The following PRH1 variants were observed in gnomAD, a reference collection of about 807,000 sequenced individuals.
PRH1 encodes salivary acidic proline-rich phosphoprotein 1/2.
In PRH1, 7 loss-of-function variants were observed where a neutral mutation model predicts 7.9. The ratio of observed to expected loss-of-function variants is 0.89; its 90% CI spans 0.50 to 1.67. PRH1 has a LOEUF of 1.67. PRH1 is among the 40% of genes most tolerant of loss of function. The probability of loss-of-function intolerance (pLI) is 0.00; values close to 1 mark genes in which losing one functional copy is unlikely to be tolerated. For missense variants in PRH1, 109 were observed against 223.6 expected (o/e 0.49, Z 3.27); for synonymous variants, 45 against 80.8 (o/e 0.56, Z 2.38).
chr12:11,086,507 G>A (rs1327709814), intron 1 of PRH1, among the ~76,000 whole-genome samples: 2 of 150,470 alleles, frequency 1.3e-5, no homozygotes, highest in South Asian at 2.1e-4. Context: ...TTTCTAAGAG[G>A]GGATCTTGAA....
intron 1 of PRH1, chr12:11,133,977 C>CT (rs968246373): frequency 2.5e-6 from 4 of 1,613,956 alleles, no homozygotes; most frequent in Non-Finnish European, 3.4e-6. Context: ...TGGTTGGTTA[C>CT]TGCCCAGACA....
At chr12:10,923,637 A>G (rs1403855705) in intron 2 of PRH1, among the ~76,000 whole-genome samples, 3 of 152,228 alleles carry the variant, frequency 2.0e-5, no homozygotes, top group Non-Finnish European at 4.4e-5. Context: ...CAAATTGTCC[A>G]AGGGAATAGT....
At chr12:11,139,864 T>C (rs1212182714) in intron 1 of PRH1, among the ~76,000 whole-genome samples, 6 of 152,068 alleles carry the variant, frequency 3.9e-5, no homozygotes, top group Admixed American at 3.9e-4. Flanking sequence ...ATCCTAGGAG[T>C]AGAATATGAA....
chr12:10,979,598 G>T (rs747719461), intron 1 of PRH1, among the ~76,000 whole-genome samples: 8 of 152,186 alleles, frequency 5.3e-5, no homozygotes, highest in Non-Finnish European at 1.0e-4. Flanking sequence ...ATCTGGAGCA[G>T]AAGAACAGCA....
In PRH1 at chr12:11,016,064, C is replaced by T. The variant is rs540695946; in HGVS notation, c.-126+30956G>A. 2.0e-5 allele frequency among the ~76,000 whole-genome samples: 3 copies of T among 152,306 alleles called. No individual in the cohort carries two copies. In the East Asian group the frequency reaches 5.8e-4, roughly 29 times the overall value. On this transcript the variant is annotated intron_variant, in intron 1 of 3. Coordinates refer to the PRH1 transcript ENST00000539853. Reference sequence around the variant, plus strand: ...GACTTGGAACTTCCAGACTGTGCTCCACTCTGGGAGTTGCCTGAGGACTTT... The same window carrying T: ...GACTTGGAACTTCCAGACTGTGCTCTACTCTGGGAGTTGCCTGAGGACTTT...
chr12:11,135,451 C>G (rs1565691647), intron 1 of PRH1, among the ~76,000 whole-genome samples: 1 of 152,056 alleles, frequency 6.6e-6, no homozygotes, highest in South Asian at 2.1e-4. Flanking sequence ...TGGCCAAACT[C>G]TAACGACCTC....
intron 1 of PRH1, among the ~76,000 whole-genome samples, chr12:11,099,420 A>G (rs573966206): frequency 3.3e-5 from 5 of 152,098 alleles, no homozygotes; most frequent in Non-Finnish European, 5.9e-5. Context: ...CATCCATCAA[A>G]CCCAGCTTAG....
intron 1 of PRH1, among the ~76,000 whole-genome samples, chr12:11,150,722 A>G (rs1465844153): frequency 9.2e-5 from 14 of 152,192 alleles, no homozygotes; most frequent in Admixed American, 9.2e-4. Context: ...CTAATGCTAA[A>G]TGACGAGTTA....
At chr12:11,133,781 G>C (rs1304935806) in intron 1 of PRH1, 1 of 1,613,982 alleles carries the variant, frequency 6.2e-7, no homozygotes, top group Non-Finnish European at 8.5e-7. Flanking sequence ...ATATTCTTTT[G>C]TCCATACAGT....
intron 2 of PRH1, chr12:10,932,281 G>C (rs1950225052): frequency 2.4e-6 from 1 of 409,100 alleles, no homozygotes; most frequent in Admixed American, 2.4e-5. Context: ...ATGTGATCAT[G>C]CTCTAACTTC....
intron 2 of PRH1, among the ~76,000 whole-genome samples, chr12:10,903,958 C>G (rs111302899): frequency 2.8e-4 from 13 of 46,700 alleles, no homozygotes; most frequent in Middle Eastern, 0.025. Flanking sequence ...AAAAAAACAA[C>G]TAGGACTACA....
intron 2 of PRH1, among the ~76,000 whole-genome samples, chr12:10,944,936 G>A (rs924863236): frequency 3.3e-5 from 5 of 152,068 alleles, no homozygotes; most frequent in African/African-American, 9.7e-5. Context: ...TTAGCTTTTT[G>A]ATGGGCTTGT....
chr12:11,061,145 CT>C (rs1943581923), intron 1 of PRH1, among the ~76,000 whole-genome samples: 1 of 110,354 alleles, frequency 9.1e-6, no homozygotes, highest in Non-Finnish European at 2.1e-5. Flanking sequence ...GAGTATGTCA[CT>C]GTCAATGTTC....
chr12:11,059,864 A>T (rs944999817), intron 1 of PRH1, among the ~76,000 whole-genome samples: 1 of 152,046 alleles, frequency 6.6e-6, no homozygotes, highest in East Asian at 1.9e-4. Context: ...TTATCCACCC[A>T]TTTATTTGTT....
intron 1 of PRH1, among the ~76,000 whole-genome samples, chr12:11,156,446 C>G (rs1469690361): frequency 6.6e-6 from 1 of 152,180 alleles, no homozygotes; most frequent in East Asian, 1.9e-4. Context: ...CCTACATTCT[C>G]TCTTCTAATC....
At chr12:10,972,093 T>TTA (rs1938842959) in intron 2 of PRH1, among the ~76,000 whole-genome samples, 1 of 152,116 alleles carries the variant, frequency 6.6e-6, no homozygotes, top group Non-Finnish European at 1.5e-5. Context: ...TTTGGAGTGT[T>TTA]TAACAGGCCC....
chr12:10,886,710 G>T (rs1949497407), upstream of PRH1, among the ~76,000 whole-genome samples: 1 of 152,136 alleles, frequency 6.6e-6, no homozygotes, highest in African/African-American at 2.4e-5. Flanking sequence ...TGAAATTTTA[G>T]GATTCATCTC....
chr12:10,990,167 C>T (rs1026957007), intron 1 of PRH1, among the ~76,000 whole-genome samples: 1 of 152,128 alleles, frequency 6.6e-6, no homozygotes, highest in African/African-American at 2.4e-5. Context: ...GGAAACAAAT[C>T]CACACCTATA....
chr12:11,072,406 A>C (rs9697262), intron 1 of PRH1, among the ~76,000 whole-genome samples: 58,128 of 151,386 alleles, frequency 0.38, 15,437 homozygotes, highest in Non-Finnish European at 0.44. Flanking sequence ...GAAATGGACA[A>C]ACATGGCAGC....
Sources: gnomAD v4.1 joint callset for allele counts (sites outside exome capture counted in the v4.1 genomes callset) on GRCh38, gnomAD v4.1.1 for gene constraint, MANE v1.5 for transcripts, NCBI Gene and HGNC (gene_info 2026-07-23, HGNC 2026-07-21) for gene names.